SYNM: variants seen among roughly 807,000 people sequenced by gnomAD.
SYNM encodes synemin.
Under a neutral mutation model 104.0 loss-of-function variants are expected in SYNM, and 95 were observed. The ratio of observed to expected loss-of-function variants is 0.91; its 90% CI spans 0.77 to 1.08. SYNM has a LOEUF of 1.08. Ranked by LOEUF, SYNM falls within the 50% of genes least tolerant of loss-of-function variation. SYNM has a pLI of 0.00. For missense variants in SYNM, 2,150 were observed against 2,052.2 expected (o/e 1.05, Z -0.92); for synonymous variants, 918 against 869.0 (o/e 1.06, Z -0.99).
chr15:99,132,563 T>C lies in SYNM; in HGVS notation c.4203T>C (p.Phe1401=), dbSNP rs1555486146. 12 of 1,614,034 alleles carry C rather than the reference T, an allele frequency of 7.4e-6. No homozygotes were observed. The highest frequency in any genetic ancestry group is 3.3e-5 in the Admixed American group (2 of 60,026). ...AEMTSGVSRS[F]RHIRLGPTET... is the part of the protein sequence containing the mutation. ...TGACATCGGGTGTTAGCAGATCCTT[T>C]AGGCACATTCGACTAGGTCCTACAG... is the stretch of plus-strand genomic sequence containing the variant. Residue 1401 remains phenylalanine, a synonymous_variant, in exon 4 of 4, where the codon TTT becomes TTC. Coordinates refer to ENST00000336292, the MANE Select transcript of SYNM (RefSeq NM_145728.3).
Position 99,116,929 on chromosome 15 carries a change from CCT to C in SYNM, c.935+3218_935+3219del, listed in dbSNP as rs781897819. On this transcript the variant is annotated intron_variant, in intron 2 of 3. Transcript: ENST00000336292. Reference sequence around the variant, plus strand: ...TGACCTTGTGATCCACCCGCCTCAGCCTCTCAAAGTGCTGGGATTACAGGCAT... The same window carrying C: ...TGACCTTGTGATCCACCCGCCTCAGCCTCAAAGTGCTGGGATTACAGGCAT... Among the ~76,000 whole-genome samples, 10 of 143,824 alleles carry C rather than the reference CCT, an allele frequency of 7.0e-5. 2 individuals are homozygous for C. Among genetic ancestry groups the C allele is most frequent in the Non-Finnish European group, 1.4e-4 (9 of 64,788 alleles). The allele number at this position is 143,824 out of a possible 152,430, so 94.4% of individuals were successfully genotyped here.
At chr15:99,137,474 C>G (rs2067683490), downstream of SYNM, 1 of 152,422 alleles carries the variant, frequency 6.6e-6, no homozygotes, top group Non-Finnish European at 1.5e-5. Flanking sequence ...TTTCTCAAAC[C>G]CCTTTTCAGG....
At chr15:99,129,234 T>G in intron 3 of SYNM, 133 bp from the exon 4 acceptor site, 4 of 1,315,642 alleles carry the variant, frequency 3.0e-6, no homozygotes, top group Non-Finnish European at 3.0e-6. Context: ...TAACTTATCT[T>G]TATAATGAGC....
Position 99,133,692 on chromosome 15 carries a change from G to A in SYNM, c.*634G>A, listed in dbSNP as rs916589592. The A allele has an allele frequency of 1.9e-5, 3 of 154,082 alleles. No homozygotes were observed. The highest frequency in any genetic ancestry group is 6.4e-5 in the Admixed American group (1 of 15,542). The allele number at this position is 154,082 out of a possible 1,614,324, so 9.5% of individuals were successfully genotyped here. On this transcript the variant is annotated 3_prime_UTR_variant, in exon 4 of 4. Coordinates refer to ENST00000336292, the MANE Select transcript of SYNM (RefSeq NM_145728.3). ...CTTTAAACAATATAGTATTTATGGC[G>A]AGGACAGCTGTAGTCTGTTGTGATA... is the stretch of plus-strand genomic sequence containing the variant.
chr15:99,129,278 G>C, intron 3 of SYNM, 89 bp from the exon 4 acceptor site: 1 of 1,511,640 alleles, frequency 6.6e-7, no homozygotes, highest in Middle Eastern at 1.9e-4. Context: ...TATTATGATG[G>C]AATGGGATTT....
downstream of SYNM, chr15:99,139,314 C>T (rs782228663): frequency 6.2e-7 from 1 of 1,611,986 alleles, no homozygotes. Flanking sequence ...GACGCCAACT[C>T]ACGTGGACAG....
At position 99,130,666 on chromosome 15, in the gene SYNM, A is replaced by G; in HGVS notation, c.2306A>G (p.Lys769Arg). 1 of 1,613,744 alleles carries G rather than the reference A, an allele frequency of 6.2e-7. No homozygotes were observed. Among genetic ancestry groups the G allele is most frequent in the Non-Finnish European group, 8.5e-7 (1 of 1,179,804 alleles). The change falls in exon 4 of 4, where the codon AAA (lysine) becomes AGA (arginine). Residue 769 changes from lysine to arginine, a missense_variant. By Grantham distance (26) the Lys-to-Arg change is conservative. Coordinates refer to ENST00000336292, the MANE Select transcript of SYNM (RefSeq NM_145728.3). The stretch of plus-strand genomic sequence containing the variant: ...CCGGAGGAGTTTTCCGTCCCATTCA[A>G]AGTGGAGGAGGTCGAAGATGTGTCG... ...EKPEEFSVPF[K>R]VEEVEDVSPG...
At chr15:99,113,464 C>T (rs1403251484) in intron 1 of SYNM, 127 bp from the exon 2 acceptor site, 24 of 1,193,950 alleles carry the variant, frequency 2.0e-5, no homozygotes, top group South Asian at 5.7e-5. Context: ...TTAATAACGC[C>T]GGGTGTTTTT....
chr15:99,114,953 T>C (rs754870019), intron 2 of SYNM, among the ~76,000 whole-genome samples: 3 of 152,190 alleles, frequency 2.0e-5, no homozygotes, highest in Non-Finnish European at 4.4e-5. Context: ...GCCAGCTTTA[T>C]GGCGTCCTTA....
chr15:99,138,043 C>T, downstream of SYNM: 2 of 1,614,104 alleles, frequency 1.2e-6, no homozygotes, highest in Admixed American at 1.7e-5. Flanking sequence ...GGGCCTTCCC[C>T]AGCAGGGTGT....
intron 3 of SYNM, among the ~76,000 whole-genome samples, chr15:99,128,554 A>G (rs2067468457): frequency 6.6e-6 from 1 of 152,124 alleles, no homozygotes; most frequent in Admixed American, 6.5e-5. Flanking sequence ...GTCCCCGCTG[A>G]GCCAGCTGGG....
At position 99,135,227 on chromosome 15, in the gene SYNM, C is replaced by G. The variant is rs2067557345; in HGVS notation, c.*2169C>G. On this transcript the variant is annotated 3_prime_UTR_variant, in exon 4 of 4. Transcript: ENST00000336292. ...TGCCAAAAGTATTTACAAGTATGGA[C>G]TCATGAGCTATTGTTGGTTGCTAAA... The G allele has an allele frequency of 6.6e-6, 1 of 152,634 alleles. No homozygotes were observed. The highest frequency in any genetic ancestry group is 2.4e-5 in the African/African-American group (1 of 41,452). The allele number at this position is 152,634 out of a possible 1,614,324, so 9.5% of individuals were successfully genotyped here. A position where few individuals can be genotyped will look rare whatever the true frequency, so the allele number is the denominator to read the frequency against.
chr15:99,118,301 G>C (rs1219908159), intron 2 of SYNM, among the ~76,000 whole-genome samples: 2 of 152,238 alleles, frequency 1.3e-5, no homozygotes, highest in East Asian at 3.8e-4. Flanking sequence ...GCTCCGATTC[G>C]GAGGACAGGT....
chr15:99,139,394 G>A, downstream of SYNM: 1 of 1,614,146 alleles, frequency 6.2e-7, no homozygotes, highest in Non-Finnish European at 8.5e-7. Flanking sequence ...TCTGGATCTG[G>A]AGACACTGTA....
chr15:99,107,957 TTTTTGG>T (rs1338328394), intron 1 of SYNM, among the ~76,000 whole-genome samples: 2,825 of 132,230 alleles, frequency 0.021, 100 homozygotes, highest in African/African-American at 0.086. Flanking sequence ...TTTTGTTTTT[TTTTTGG>T]TTTTGGTTTT....
chr15:99,105,999 A>C lies in SYNM; in HGVS notation c.800A>C (p.Glu267Ala). Residue 267 changes from glutamate (E) to alanine (A), a missense_variant, in exon 1 of 4, where the codon GAG becomes GCG. Transcript: ENST00000336292. ...CGCGAGGAGTACGGGATACAGGCCG[A>C]GGAGCGGCAGGTCCGTGCGCGGGGA... ...RMREEYGIQA[E>A]ERQRVIDCLE... 2.0e-6 allele frequency: 3 copies of C among 1,471,844 alleles called. No homozygotes were observed. The highest frequency in any genetic ancestry group is 1.8e-6 in the Non-Finnish European group (2 of 1,116,684). The allele number at this position is 1,471,844 out of a possible 1,614,324, so 91.2% of individuals were successfully genotyped here.
rs148333215 is a variant in SYNM, at chr15:99,114,903, T to A, written c.935+1188T>A. ...TGTGACGCTTACAGTGGAAGGAATT[T>A]TAGAGACCCAGTTGCCCAACTTCAG... On this transcript the variant is annotated intron_variant, in intron 2 of 3. Transcript: ENST00000336292. Among the ~76,000 whole-genome samples the A allele has an allele frequency of 2.9e-3, 437 of 152,248 alleles. 1 individual carries two copies. The highest frequency in any genetic ancestry group is 0.01 in the African/African-American group (421 of 41,556).
At chr15:99,141,136 C>T in the SYNM span, 1 of 152,098 alleles carries the variant, frequency 6.6e-6, no homozygotes, top group African/African-American at 2.4e-5. Flanking sequence ...AGTGGGTATT[C>T]AAACTGGTAT....
chr15:99,108,886 C>T (rs1555483131), intron 1 of SYNM, among the ~76,000 whole-genome samples: 2 of 152,210 alleles, frequency 1.3e-5, no homozygotes, highest in African/African-American at 4.8e-5. Flanking sequence ...AGGGCTAGCC[C>T]GAGGTACTCT....
Sources: allele counts gnomAD v4.1 joint callset (sites outside exome capture counted in the v4.1 genomes callset), GRCh38; gene constraint gnomAD v4.1.1; transcripts MANE v1.5; gene names NCBI Gene and HGNC (gene_info 2026-07-23, HGNC 2026-07-21).